Variants in DNM3 observed in about 807,000 individuals in gnomAD.
DNM3 encodes the protein dynamin-3.
In DNM3, 47 loss-of-function variants were observed where a neutral mutation model predicts 101.6. That is an observed-to-expected ratio of 0.46 (90% CI 0.37 to 0.59). The LOEUF is 0.59. Ranked by LOEUF, DNM3 falls within the 20% of genes least tolerant of loss-of-function variation. DNM3 has a pLI of 0.00. For missense variants in DNM3, 849 were observed against 1,085.7 expected, an observed-to-expected ratio of 0.78 and a Z score of 3.06; for synonymous variants, 385 against 387.9, an observed-to-expected ratio of 0.99 and a Z score of 0.09.
At chr1:172,105,501 A>G (rs1466120024) in intron 13 of DNM3, among the ~76,000 whole-genome samples, 1 of 152,182 alleles carries the variant, frequency 6.6e-6, no homozygotes, top group Non-Finnish European at 1.5e-5. Context: ...ACAGTGACAC[A>G]CTTTTTAATT....
chr1:172,063,793 AAAG>A (rs2051439565), intron 10 of DNM3, among the ~76,000 whole-genome samples: 1 of 151,646 alleles, frequency 6.6e-6, no homozygotes, highest in African/African-American at 2.4e-5. Context: ...AAAAAAAAAA[AAAG>A]AATATTCAAT....
At chr1:171,880,701 G>T (rs1029923560) in intron 1 of DNM3, among the ~76,000 whole-genome samples, 1 of 152,062 alleles carries the variant, frequency 6.6e-6, no homozygotes, top group Non-Finnish European at 1.5e-5. Context: ...AAAAATATAT[G>T]TGTAAAAATG....
intron 10 of DNM3, among the ~76,000 whole-genome samples, chr1:172,052,866 T>G (rs1202038744): frequency 6.6e-6 from 1 of 152,202 alleles, no homozygotes; most frequent in East Asian, 1.9e-4. Flanking sequence ...TTCCCAAATC[T>G]GTACCTCTAG....
chr1:172,159,478 A>G (rs1401363228), intron 14 of DNM3, among the ~76,000 whole-genome samples: 1 of 152,056 alleles, frequency 6.6e-6, no homozygotes, highest in Admixed American at 6.6e-5. Context: ...CATGTGTATA[A>G]ACATGTTTCT....
intron 1 of DNM3, among the ~76,000 whole-genome samples, chr1:171,883,553 C>A (rs904708121): frequency 5.3e-5 from 8 of 151,896 alleles, no homozygotes; most frequent in Non-Finnish European, 7.4e-5. Context: ...CTCACTGCAA[C>A]TTCCGCCTCC....
chr1:171,864,302 C>A (rs2034488799), intron 1 of DNM3: 1 of 152,162 alleles, frequency 6.6e-6, no homozygotes, highest in Non-Finnish European at 1.5e-5. Context: ...AGGTACGTTT[C>A]CTGGTTTGGA....
chr1:172,058,857 G>A (rs1279875041), intron 10 of DNM3, among the ~76,000 whole-genome samples: 6 of 142,776 alleles, frequency 4.2e-5, no homozygotes, highest in African/African-American at 1.3e-4. Context: ...TAGCAGAACT[G>A]AAGGAAATAG....
At chr1:172,213,517 CAAAAAAAA>C (rs57339395) in intron 14 of DNM3, among the ~76,000 whole-genome samples, 2 of 79,392 alleles carry the variant, frequency 2.5e-5, no homozygotes, top group Non-Finnish European at 2.5e-5. Flanking sequence ...TCCATTGTTA[CAAAAAAAA>C]AAAAAAAAAA....
intron 14 of DNM3, among the ~76,000 whole-genome samples, chr1:172,214,382 C>G (rs1371163658): frequency 6.6e-6 from 1 of 151,876 alleles, no homozygotes; most frequent in Non-Finnish European, 1.5e-5. Flanking sequence ...CAACATGGCA[C>G]ATGTATACAT....
chr1:172,246,742 A>G (rs2061969507), intron 14 of DNM3, among the ~76,000 whole-genome samples: 1 of 152,142 alleles, frequency 6.6e-6, no homozygotes, highest in African/African-American at 2.4e-5. Flanking sequence ...GGTGTGGGTG[A>G]GGAGCATGAT....
chr1:172,002,247 A>C (rs1432147967), intron 4 of DNM3, among the ~76,000 whole-genome samples: 1 of 152,110 alleles, frequency 6.6e-6, no homozygotes, highest in Non-Finnish European at 1.5e-5. Flanking sequence ...TGAAAAAATC[A>C]GATTAAAAAA....
intron 17 of DNM3, among the ~76,000 whole-genome samples, chr1:172,342,742 A>C (rs1275677356): frequency 6.6e-6 from 1 of 152,214 alleles, no homozygotes; most frequent in Non-Finnish European, 1.5e-5. Context: ...TAAAGGGAAA[A>C]AAAAGTAAAC....
chr1:172,176,885 A>G (rs1054339950), intron 14 of DNM3, among the ~76,000 whole-genome samples: 1 of 151,830 alleles, frequency 6.6e-6, no homozygotes, highest in African/African-American at 2.4e-5. Context: ...TATATTATAG[A>G]AAAGAGGTTG....
chr1:172,126,666 A>T (rs1436160868), intron 13 of DNM3, among the ~76,000 whole-genome samples: 1 of 151,994 alleles, frequency 6.6e-6, no homozygotes, highest in Middle Eastern at 3.2e-3. Flanking sequence ...TTAGCATCAC[A>T]TCAGCTTAAA....
chr1:172,283,759 C>CAAAAAAAAAAAAAAAAAAAAAAAAAA (rs769812358), intron 15 of DNM3, among the ~76,000 whole-genome samples: 1 of 40,294 alleles, frequency 2.5e-5, no homozygotes, highest in Non-Finnish European at 6.0e-5. Context: ...GACTCCATCT[C>CAAAAAAAAAAAAAAAAAAAAAAAAAA]AAAAAAAAAA....
At chr1:172,303,106 C>T (rs987171209) in intron 15 of DNM3, among the ~76,000 whole-genome samples, 1 of 152,164 alleles carries the variant, frequency 6.6e-6, no homozygotes, top group East Asian at 1.9e-4. Flanking sequence ...CATGTTCTAA[C>T]CCATTGCAAG....
rs375652271 is a variant in DNM3, at chr1:172,217,433, A to G, written c.1660-36140A>G. Reference sequence around the variant, plus strand: ...CTCTCAGAGATATTTAAAATCTCCTACTGGCTCCTTTTGTGTAGCGGTAAG... The same window carrying G: ...CTCTCAGAGATATTTAAAATCTCCTGCTGGCTCCTTTTGTGTAGCGGTAAG... On this transcript the variant is annotated intron_variant, in intron 14 of 20. Transcript: ENST00000627582. 4.6e-5 allele frequency among the ~76,000 whole-genome samples: 7 copies of G among 152,270 alleles called. No individual in the cohort carries two copies. The South Asian group carries it at 8.3e-4, about 18-fold the overall frequency.
intron 2 of DNM3, among the ~76,000 whole-genome samples, chr1:171,985,185 C>T (rs2045155170): frequency 6.6e-6 from 1 of 152,044 alleles, no homozygotes; most frequent in South Asian, 2.1e-4. Context: ...TTGTGATAGC[C>T]ATAAGTCTTG....
At position 172,048,511 on chromosome 1, in the gene DNM3, G is replaced by A. The variant is rs2049976655; in HGVS notation, c.1197-101G>A. On this transcript the variant is annotated intron_variant, in intron 9 of 20. Coordinates refer to ENST00000627582, the MANE Select transcript of DNM3 (RefSeq NM_015569.5). ...AACTTTTAAACTTGGTCTATTACATGCTTAATTTAAATGGAATGTTAATTT... is the reference window on the plus strand; with the variant it reads ...AACTTTTAAACTTGGTCTATTACATACTTAATTTAAATGGAATGTTAATTT... 26 of 1,376,996 alleles carry A rather than the reference G, an allele frequency of 1.9e-5. No individual in the cohort carries two copies. The South Asian group carries it at 3.6e-4, about 19-fold the overall frequency. The allele number at this position is 1,376,996 out of a possible 1,614,324, so 85.3% of individuals were successfully genotyped here. A position where few individuals can be genotyped will look rare whatever the true frequency, so the allele number is the denominator to read the frequency against.
Sources: gnomAD v4.1 joint callset for allele counts (sites outside exome capture counted in the v4.1 genomes callset) on GRCh38, gnomAD v4.1.1 for gene constraint, MANE v1.5 for transcripts, NCBI Gene and HGNC (gene_info 2026-07-23, HGNC 2026-07-21) for gene names.